ZNF296: variants seen among roughly 807,000 people sequenced by gnomAD.
ZNF296 encodes the protein zinc finger protein 296, also known as zinc finger protein 342.
In ZNF296, 1 loss-of-function variant was observed where a neutral mutation model predicts 13.2. The ratio of observed to expected loss-of-function variants is 0.08; its 90% confidence interval spans 0.03 to 0.36. The LOEUF is 0.36. Among genes scored for constraint, ZNF296 ranks in the 10% least tolerant of loss-of-function variants. The pLI, the probability that ZNF296 is intolerant of heterozygous loss-of-function variation, is 0.99. For missense variants in ZNF296, 555 were observed against 688.2 expected (o/e 0.81, Z 2.16); for synonymous variants, 303 against 289.0 (o/e 1.05, Z -0.49).
At chr19:45,075,945 T>G (rs1967338811) in intron 1 of ZNF296, 83 bp from the exon 2 acceptor site, 3 of 1,589,592 alleles carry the variant, frequency 1.9e-6, no homozygotes, top group African/African-American at 2.7e-5. Flanking sequence ...AAACCGAAGG[T>G]CAGAAGGGGG....
rs1967263947 is a variant in ZNF296, at chr19:45,071,980, T to A, written c.1049A>T (p.Asp350Val). The change falls in exon 3 of 3, where the codon GAC (aspartate) becomes GTC (valine). Residue 350 changes from aspartate to valine, a missense_variant. Asp to Val is a radical substitution (Grantham distance 152, BLOSUM62 -3). Around this residue, in one of 3 missense-constraint regions of ZNF296, gnomAD observed 410 missense variants for 548.0 expected, o/e 0.75. Transcript: ENST00000303809. Reference protein sequence around the residue: ...GSGAQAGPGGDTWGAITTEQR... With the variant: ...GSGAQAGPGGVTWGAITTEQR... ...TTCCGTGGTGATGGCTCCCCAAGTG[T>A]CTCCACCAGGGCCGGCTTGAGCCCC... The A allele has an allele frequency of 6.2e-7, 1 of 1,613,372 alleles. No homozygotes were observed. The highest frequency in any genetic ancestry group is 8.5e-7 in the Non-Finnish European group (1 of 1,180,008).
chr19:45,072,939 T>A (rs1194460341), intron 2 of ZNF296, among the ~76,000 whole-genome samples: 1 of 152,036 alleles, frequency 6.6e-6, no homozygotes, highest in Non-Finnish European at 1.5e-5. Context: ...TTAGTAGAGA[T>A]GGGGGTTTCA....
chr19:45,075,596 G>A, intron 2 of ZNF296, 117 bp downstream of exon 2: 7 of 1,096,650 alleles, frequency 6.4e-6, no homozygotes, highest in Non-Finnish European at 8.4e-6. Flanking sequence ...GGCTGCACCC[G>A]ATGGGGAGCG....
intron 2 of ZNF296, among the ~76,000 whole-genome samples, chr19:45,073,359 A>T (rs1252528243): frequency 6.8e-6 from 1 of 147,454 alleles, no homozygotes; most frequent in Admixed American, 6.8e-5. Flanking sequence ...GGGTCCTGCT[A>T]TGTTGCCCAG....
At chr19:45,075,926 G>A in intron 1 of ZNF296, 64 bp from the exon 2 acceptor site, 2 of 1,601,988 alleles carry the variant, frequency 1.2e-6, no homozygotes, top group East Asian at 4.5e-5. Context: ...GGGTGCTGAA[G>A]GAGAGGGGAA....
rs752477411 is a variant in ZNF296 at position 45,075,858 on chromosome 19, G to C, written c.303C>G (p.Arg101=). The C allele has an allele frequency of 1.2e-6, 2 of 1,613,800 alleles. No homozygotes were observed. The highest frequency in any genetic ancestry group is 2.7e-5 in the African/African-American group (2 of 74,918). The part of the protein sequence containing the change: ...WTPLTPNYPD[R]QPWTDKHPDL... ...CTGGGTGTTTGTCGGTCCAGGGCTG[G>C]CGGTCTGCAGGGAGGAAGCGGGTGG... Residue 101 remains arginine (R), a synonymous_variant, in exon 2 of 3, where the codon CGC becomes CGG. Transcript: ENST00000303809.
intron 2 of ZNF296, among the ~76,000 whole-genome samples, chr19:45,074,631 C>T (rs1279905990): frequency 6.6e-6 from 1 of 152,194 alleles, no homozygotes; most frequent in African/African-American, 2.4e-5. Flanking sequence ...ATTCAGACTT[C>T]TCTGCTCCCT....
At chr19:45,075,267 CAGAG>C (rs1329407058) in intron 2 of ZNF296, among the ~76,000 whole-genome samples, 5 of 152,298 alleles carry the variant, frequency 3.3e-5, no homozygotes, top group African/African-American at 7.2e-5. Context: ...TCAGAATTGA[CAGAG>C]AGAGACAGGA....
chr19:45,076,150 G>A lies in ZNF296; in HGVS notation c.224C>T (p.Ala75Val). 1 of 1,547,470 alleles carries A rather than the reference G, an allele frequency of 6.5e-7. No individual in the cohort carries two copies. Among genetic ancestry groups the A allele is most frequent in the Non-Finnish European group, 8.7e-7 (1 of 1,152,128 alleles). ...GCCGAGGGCGAGGAGGGCGGCCCCG[G>A]CGGGCATGGGGCCAGGGGAGTGGTG... ...EPHHSPGPMP[A>V]GAALLALGPR... is the part of the protein sequence containing the mutation. Residue 75 changes from alanine to valine, a missense_variant, in exon 1 of 3, where the codon GCC (alanine) becomes GTC (valine). Transcript: ENST00000303809. This position sits in a 1 kb window ranked among gnomAD's most constrained non-coding sequence, Gnocchi z 4.9.
intron 2 of ZNF296, among the ~76,000 whole-genome samples, chr19:45,072,911 G>A (rs1967283828): frequency 6.6e-6 from 1 of 152,110 alleles, no homozygotes. Flanking sequence ...ACAGGCGCCC[G>A]CCACCATGCC....
In ZNF296 at chr19:45,075,882, G is replaced by A. The variant is rs1568426872; in HGVS notation, c.299-20C>T. 1 of 1,613,070 alleles carries A rather than the reference G, an allele frequency of 6.2e-7. No homozygotes were observed. The highest frequency in any genetic ancestry group is 8.5e-7 in the Non-Finnish European group (1 of 1,179,704). On this transcript the variant is annotated intron_variant, in intron 1 of 2. Coordinates refer to ENST00000303809, the MANE Select transcript of ZNF296 (RefSeq NM_145288.3). ...GGCGGTCTGCAGGGAGGAAGCGGGT[G>A]GTGAGCGTGGGGTGGGGCCAGGATG...
chr19:45,073,277 G>A (rs1967288847), intron 2 of ZNF296, among the ~76,000 whole-genome samples: 1 of 151,674 alleles, frequency 6.6e-6, no homozygotes, highest in Admixed American at 6.6e-5. Context: ...GAGGGGGAGA[G>A]GGCAGAACAG....
intron 2 of ZNF296, among the ~76,000 whole-genome samples, chr19:45,073,661 C>G (rs529861450): frequency 4.0e-4 from 61 of 151,638 alleles, no homozygotes; most frequent in African/African-American, 1.3e-3. Context: ...TCCGCCTCAG[C>G]CCCTCAAAGT....
chr19:45,074,372 G>T (rs778574442), intron 2 of ZNF296, among the ~76,000 whole-genome samples: 1 of 152,146 alleles, frequency 6.6e-6, no homozygotes, highest in South Asian at 2.1e-4. Context: ...AAATAATGGG[G>T]TAGCTACAGA....
At chr19:45,073,456 T>C (rs11083759) in intron 2 of ZNF296, among the ~76,000 whole-genome samples, 78,030 of 149,128 alleles carry the variant, frequency 0.52, 20,712 homozygotes, top group African/African-American at 0.58. Context: ...CTGCAAGCTC[T>C]GCCTCCGGGG....
Position 45,071,617 on chromosome 19 carries a change from G to A in ZNF296, c.1412C>T (p.Ala471Val), listed in dbSNP as rs145378608. 68 of 1,518,782 alleles carry A rather than the reference G, an allele frequency of 4.5e-5. No homozygotes were observed. The African/African-American group carries it at 6.8e-4, about 15-fold the overall frequency. 94.1% of individuals were successfully genotyped at this position (1,518,782 alleles called of 1,614,324 possible). A position where few individuals can be genotyped will look rare whatever the true frequency, so the allele number is the denominator to read the frequency against. The change falls in exon 3 of 3, where the codon GCG becomes GTG. Residue 471 changes from alanine to valine, a missense_variant. Physicochemically the swap from Ala to Val is moderately conservative, Grantham distance 64. Transcript: ENST00000303809. The part of the protein sequence containing the change: ...DKHLRQKHPE[A>V]AGEA The stretch of plus-strand genomic sequence containing the variant: ...TTCCTGGGCTCAGGCCTCGCCGGCC[G>A]CCTCAGGGTGCTTCTGCCGCAGGTG...
intron 2 of ZNF296, among the ~76,000 whole-genome samples, chr19:45,073,410 G>T (rs1486115149): frequency 7.1e-6 from 1 of 141,466 alleles, no homozygotes; most frequent in Non-Finnish European, 1.5e-5. Context: ...TTGCTCTGTC[G>T]CCCAGGCTGC....
At chr19:45,074,773 C>A (rs1967313613) in intron 2 of ZNF296, among the ~76,000 whole-genome samples, 1 of 152,202 alleles carries the variant, frequency 6.6e-6, no homozygotes, top group Middle Eastern at 3.2e-3. Flanking sequence ...CTTTGGTCCA[C>A]ATAAGCGCTC....
In ZNF296 at chr19:45,072,074, A is replaced by G. The variant is rs1444394941; in HGVS notation, c.955T>C (p.Cys319Arg). 4 of 1,612,236 alleles carry G rather than the reference A, an allele frequency of 2.5e-6. No homozygotes were observed. The highest frequency in any genetic ancestry group is 3.3e-5 in the Admixed American group (2 of 59,976). Reference sequence around the variant, plus strand: ...GCTCCAGCCCCCTCACCACCGCTGCATGGAAGGGTGCTGGTGGGGGCAGCA... The same window carrying G: ...GCTCCAGCCCCCTCACCACCGCTGCGTGGAAGGGTGCTGGTGGGGGCAGCA... ...HAAAPTSTLP[C>R]SGGEGAGAAA... is the part of the protein sequence containing the mutation. The change falls in exon 3 of 3, where the codon TGC (cysteine) becomes CGC (arginine). Residue 319 changes from cysteine (C) to arginine (R), a missense_variant. Coordinates refer to ENST00000303809, the MANE Select transcript of ZNF296 (RefSeq NM_145288.3).
Sources: gnomAD v4.1 joint callset for allele counts (sites outside exome capture counted in the v4.1 genomes callset) on GRCh38, gnomAD v4.1.1 for gene constraint, gnomAD v4.1.1 regional missense constraint, Gnocchi (gnomAD v3.1) non-coding constraint, MANE v1.5 for transcripts, NCBI Gene and HGNC (gene_info 2026-07-23, HGNC 2026-07-21) for gene names.